TAFA2: variants seen among roughly 807,000 people sequenced by gnomAD.
The protein encoded by TAFA2 is TAFA chemokine like family member 2.
Under a neutral mutation model 18.8 loss-of-function variants are expected in TAFA2, and 7 were observed. That is an observed-to-expected ratio of 0.37 (90% confidence interval 0.21 to 0.70). The LOEUF (loss-of-function observed/expected upper bound fraction) is 0.70, where lower values mean the gene tolerates loss of function less well. TAFA2 is among the 30% of genes least tolerant of loss of function. The probability of loss-of-function intolerance (pLI) is 0.53; values close to 1 mark genes in which losing one functional copy is unlikely to be tolerated. For missense variants in TAFA2, 122 were observed against 158.1 expected (o/e 0.77, Z 1.23); for synonymous variants, 60 against 54.2 (o/e 1.11, Z -0.47).
chr12:62,209,736 A>G (rs192428393), intron 1 of TAFA2, among the ~76,000 whole-genome samples: 5 of 152,382 alleles, frequency 3.3e-5, no homozygotes, highest in African/African-American at 7.2e-5. Flanking sequence ...GGTTTTAACT[A>G]AACTAAGTAG....
At chr12:61,854,261 A>G (rs115615875) in intron 2 of TAFA2, among the ~76,000 whole-genome samples, 224 of 152,256 alleles carry the variant, frequency 1.5e-3, no homozygotes, top group African/African-American at 5.1e-3. Flanking sequence ...GTACAATAAG[A>G]AGATACAAAA....
chr12:61,878,419 C>T (rs777250924), intron 1 of TAFA2, among the ~76,000 whole-genome samples: 1 of 152,118 alleles, frequency 6.6e-6, no homozygotes, highest in African/African-American at 2.4e-5. Flanking sequence ...TTATTTTCTT[C>T]GTGGCACTGA....
intron 1 of TAFA2, among the ~76,000 whole-genome samples, chr12:62,013,195 A>AT (rs369663917): frequency 1.2e-3 from 177 of 152,332 alleles, no homozygotes; most frequent in African/African-American, 4.2e-3. Flanking sequence ...ATGAGATAGA[A>AT]TTTTACTACA....
At chr12:62,241,016 G>A (rs1033554491) in intron 1 of TAFA2, among the ~76,000 whole-genome samples, 2 of 152,090 alleles carry the variant, frequency 1.3e-5, no homozygotes, top group Non-Finnish European at 1.5e-5. Flanking sequence ...ACCAGTCCCT[G>A]GTGCCAAAAA....
intron 1 of TAFA2, among the ~76,000 whole-genome samples, chr12:61,889,932 C>T (rs1875553903): frequency 6.6e-6 from 1 of 152,172 alleles, no homozygotes; most frequent in Non-Finnish European, 1.5e-5. Flanking sequence ...TCTAAAGGCC[C>T]ACAATGACTA....
intron 1 of TAFA2, among the ~76,000 whole-genome samples, chr12:62,121,340 T>C (rs1190231905): frequency 6.6e-6 from 1 of 152,084 alleles, no homozygotes; most frequent in East Asian, 1.9e-4. Flanking sequence ...GCCACAAAAA[T>C]TTGCGCTTGT....
rs377584793 is a variant in TAFA2 at position 62,243,644 on chromosome 12, C to T, written c.-130+15119G>A. On this transcript the variant is annotated intron_variant, in intron 1 of 5. Transcript: ENST00000551619. ...ATCACTACAGCTATTATTTAACATTCGCTGCACATTGGCAGCATTCTAATC... is the reference window on the plus strand; with the variant it reads ...ATCACTACAGCTATTATTTAACATTTGCTGCACATTGGCAGCATTCTAATC... Among the ~76,000 whole-genome samples, 6 of 152,190 alleles carry T rather than the reference C, an allele frequency of 3.9e-5. No homozygotes were observed. In the East Asian group the frequency reaches 7.7e-4, roughly 20 times the overall value.
chr12:62,132,950 G>A (rs151046273), intron 1 of TAFA2, among the ~76,000 whole-genome samples: 121 of 151,968 alleles, frequency 8.0e-4, no homozygotes, highest in African/African-American at 2.7e-3. Flanking sequence ...CACCAATATT[G>A]TGTTGTCAGT....
chr12:61,755,813 TATG>T (rs1329837546), intron 2 of TAFA2, among the ~76,000 whole-genome samples: 4 of 152,250 alleles, frequency 2.6e-5, no homozygotes, highest in African/African-American at 9.6e-5. Context: ...CTCATCATAT[TATG>T]ATAAGATTCT....
chr12:62,241,056 TTCTG>T (rs1242870576), intron 1 of TAFA2, among the ~76,000 whole-genome samples: 1 of 152,190 alleles, frequency 6.6e-6, no homozygotes, highest in East Asian at 1.9e-4. Context: ...TAAAGGCTTA[TTCTG>T]TCTACTTTTG....
intron 1 of TAFA2, among the ~76,000 whole-genome samples, chr12:62,119,999 G>A (rs1032543960): frequency 1.3e-5 from 2 of 151,756 alleles, no homozygotes; most frequent in African/African-American, 4.8e-5. Context: ...CTTGAACCTG[G>A]GAGGCAGAAG....
At chr12:61,896,554 T>G (rs1216457681) in intron 1 of TAFA2, among the ~76,000 whole-genome samples, 1 of 152,212 alleles carries the variant, frequency 6.6e-6, no homozygotes, top group African/African-American at 2.4e-5. Context: ...TCCCTTGCCA[T>G]TCTCTGTGCT....
chr12:62,195,286 G>C (rs2136964715), upstream of TAFA2, among the ~76,000 whole-genome samples: 1 of 152,190 alleles, frequency 6.6e-6, no homozygotes, highest in Middle Eastern at 3.4e-3. Context: ...ATCCTTTGTT[G>C]TCATTTCAAC....
At chr12:62,081,516 T>C (rs1313213774) in intron 1 of TAFA2, among the ~76,000 whole-genome samples, 1 of 151,912 alleles carries the variant, frequency 6.6e-6, no homozygotes. Context: ...ATGGAGTCTC[T>C]CTCTGTCACC....
chr12:62,060,855 C>T (rs865789215), intron 1 of TAFA2, among the ~76,000 whole-genome samples: 1 of 151,754 alleles, frequency 6.6e-6, no homozygotes, highest in Non-Finnish European at 1.5e-5. Flanking sequence ...TAGAAAAAAG[C>T]TTATAGAATA....
At chr12:61,744,368 C>T (rs1868596605) in intron 4 of TAFA2, among the ~76,000 whole-genome samples, 1 of 152,122 alleles carries the variant, frequency 6.6e-6, no homozygotes, top group Non-Finnish European at 1.5e-5. Context: ...TAAAAGCACA[C>T]ATATATCGCC....
At chr12:61,900,983 A>G (rs1373205933) in intron 1 of TAFA2, among the ~76,000 whole-genome samples, 1 of 152,096 alleles carries the variant, frequency 6.6e-6, no homozygotes, top group Non-Finnish European at 1.5e-5. Context: ...TTTTTTCATT[A>G]AATTGGCCAA....
intron 1 of TAFA2, among the ~76,000 whole-genome samples, chr12:62,216,557 C>A (rs976735616): frequency 2.0e-5 from 3 of 152,158 alleles, no homozygotes; most frequent in African/African-American, 4.8e-5. Context: ...AAGGCAAACT[C>A]GATCAGAAAA....
In TAFA2 at chr12:61,736,959, C is replaced by T. The variant is rs187115030; in HGVS notation, c.384+16663G>A. On this transcript the variant is annotated intron_variant, in intron 4 of 4. Transcript: ENST00000416284. ...AGGTATATATAGATATAGCACTGCACTAATTTCTTCAACTTTCCCATCATA... is the reference window on the plus strand; with the variant it reads ...AGGTATATATAGATATAGCACTGCATTAATTTCTTCAACTTTCCCATCATA... Among the ~76,000 whole-genome samples, 152 of 152,060 alleles carry T rather than the reference C, an allele frequency of 1.0e-3. 1 individual carries two copies. The highest frequency in any genetic ancestry group is 3.4e-3 in the African/African-American group (142 of 41,500).
Sources: gnomAD v4.1 joint callset for allele counts (sites outside exome capture counted in the v4.1 genomes callset) on GRCh38, gnomAD v4.1.1 for gene constraint, MANE v1.5 for transcripts, NCBI Gene and HGNC (gene_info 2026-07-23, HGNC 2026-07-21) for gene names.